The following KCNT1 variants were observed in gnomAD, a reference collection of about 807,000 sequenced individuals.
KCNT1 encodes potassium channel subfamily T member 1.
KCNT1 carries 78 observed loss-of-function variants against 147.8 expected under a neutral mutation model. That is an observed-to-expected ratio of 0.53 (90% CI 0.44 to 0.64). The LOEUF (loss-of-function observed/expected upper bound fraction) is 0.64. Ranked by LOEUF, KCNT1 falls within the 30% of genes least tolerant of loss-of-function variation. KCNT1 has a pLI of 0.00. For synonymous variants in KCNT1, 867 were observed against 748.8 expected (o/e 1.16, Z -2.58); for missense variants, 1,419 against 1,750.3 (o/e 0.81, Z 3.38).
At chr9:135,766,262 A>G (rs1291672971) in intron 13 of KCNT1, among the ~76,000 whole-genome samples, 1 of 116,102 alleles carries the variant, frequency 8.6e-6, no homozygotes, top group Non-Finnish European at 1.9e-5. Context: ...AGTGTAGATC[A>G]TGTGGGGTGG....
At position 135,765,019 on chromosome 9, in the gene KCNT1, T is replaced by C; in HGVS notation, c.1036-12T>C. 2 of 1,600,764 alleles carry C rather than the reference T, an allele frequency of 1.2e-6. No individual in the cohort carries two copies. Among genetic ancestry groups the C allele is most frequent in the Non-Finnish European group, 1.7e-6 (2 of 1,169,756 alleles). On this transcript the variant is annotated splice_polypyrimidine_tract_variant and intron_variant, in intron 11 of 30. Transcript: ENST00000371757. ...GCCTGGTCGCTGGTGCTCACCTGTT[T>C]CTCACCTGCAGTTCGAGGAGCTCGT...
At position 135,780,481 on chromosome 9, in the gene KCNT1, C is replaced by T. The variant is rs368889451; in HGVS notation, c.2841+1011C>T. ...CCCGATGGAGAGTGAAAGTGTGTTC[C>T]GGCCAGCCGTGGACCAAGAGCCCAT... On this transcript the variant is annotated intron_variant, in intron 24 of 30. Coordinates refer to ENST00000371757, the MANE Select transcript of KCNT1 (RefSeq NM_020822.3). Among the ~76,000 whole-genome samples, 6 of 152,332 alleles carry T rather than the reference C, an allele frequency of 3.9e-5. No individual in the cohort carries two copies. The East Asian group carries it at 5.8e-4, about 15-fold the overall frequency.
rs748873120 is a variant in KCNT1, at chr9:135,750,954, G to A, written c.347G>A (p.Arg116Gln). 6 of 1,612,958 alleles carry A rather than the reference G, an allele frequency of 3.7e-6. No homozygotes were observed. Among genetic ancestry groups the A allele is most frequent in the African/African-American group, 1.3e-5 (1 of 74,896 alleles). Residue 116 changes from arginine (R) to glutamine (Q), a missense_variant, in exon 4 of 31, where the codon CGG becomes CAG. This residue lies in a region of KCNT1 where 401 missense variants were observed against 610.6 expected (regional missense o/e 0.66). Transcript: ENST00000371757. ...GCCCTCCCCGCAGGCCTGAGGATCC[G>A]GCTGTTCAACTTCTCCCTGAAGCTG... is the stretch of plus-strand genomic sequence containing the variant. ...IKNQRSSLRIRLFNFSLKLLT... is the reference protein window; with the variant it reads ...IKNQRSSLRIQLFNFSLKLLT...
chr9:135,757,412 T>G (rs1331660483), intron 9 of KCNT1, 31 bp downstream of exon 9: 2 of 1,586,172 alleles, frequency 1.3e-6, no homozygotes, highest in Admixed American at 3.3e-5. Context: ...CAGCTGGGAC[T>G]TGGGGGGGCC....
intron 28 of KCNT1, chr9:135,785,609 C>T (rs1012926024): frequency 3.4e-6 from 2 of 595,244 alleles, no homozygotes; most frequent in Non-Finnish European, 6.0e-6. Flanking sequence ...CCAGGCCCCA[C>T]CAAGGCAGGC....
At chr9:135,735,268 T>C (rs576858470) in intron 2 of KCNT1, among the ~76,000 whole-genome samples, 1 of 152,270 alleles carries the variant, frequency 6.6e-6, no homozygotes, top group South Asian at 2.1e-4. Flanking sequence ...CTAGGGCAGG[T>C]ATCGGGAGCG....
chr9:135,788,197 A>C, intron 29 of KCNT1: 2 of 1,578,626 alleles, frequency 1.3e-6, no homozygotes, highest in Non-Finnish European at 8.7e-7. Context: ...ACCACCGCAC[A>C]ACGGGGCTCG....
intron 12 of KCNT1, 85 bp from the exon 13 acceptor site, chr9:135,765,539 G>A (rs1404601453): frequency 2.0e-5 from 29 of 1,426,538 alleles, no homozygotes; most frequent in Non-Finnish European, 2.6e-5. Flanking sequence ...CAGAGGTGGT[G>A]GGCACAAACA....
intron 3 of KCNT1, 99 bp from the exon 4 acceptor site, chr9:135,750,843 C>A (rs1436395538): frequency 8.4e-6 from 9 of 1,071,992 alleles, no homozygotes; most frequent in Non-Finnish European, 1.3e-5. Flanking sequence ...GGGAGCCCAG[C>A]TGGGGCCATC....
chr9:135,785,315 C>T lies in KCNT1; in HGVS notation c.3162C>T (p.His1054=), dbSNP rs146272510. 93 of 1,613,006 alleles carry T rather than the reference C, an allele frequency of 5.8e-5. No homozygotes were observed. The Middle Eastern group carries it at 2.6e-3, about 46-fold the overall frequency. The change falls in exon 28 of 31, where the codon CAC becomes CAT. Residue 1054 remains histidine (H), a synonymous_variant. Coordinates refer to ENST00000371757, the MANE Select transcript of KCNT1 (RefSeq NM_020822.3). ...ESHVFSTSEP[H]DLRAQSQISV... is the part of the protein sequence containing the mutation. ...TGCGCCTGTTTCCTTTGCAGCCCCA[C>T]GACCTCAGAGCCCAGGTAAGCAACC...
At chr9:135,773,940 G>A (rs1188494726) in intron 19 of KCNT1, among the ~76,000 whole-genome samples, 2 of 152,164 alleles carry the variant, frequency 1.3e-5, no homozygotes, top group African/African-American at 4.8e-5. Context: ...AGCCCTGTGG[G>A]TTTTGCATGT....
chr9:135,758,139 G>GCA (rs61372356), intron 9 of KCNT1, among the ~76,000 whole-genome samples: 1 of 126,458 alleles, frequency 7.9e-6, no homozygotes, highest in Admixed American at 8.2e-5. Context: ...GTGTGGCCGT[G>GCA]GGCTGCCCCG....
At chr9:135,712,599 G>A (rs1292127286) in intron 1 of KCNT1, among the ~76,000 whole-genome samples, 1 of 152,034 alleles carries the variant, frequency 6.6e-6, no homozygotes, top group African/African-American at 2.4e-5. Context: ...CTTCCTGCTT[G>A]CGAAAAGTCT....
intron 2 of KCNT1, among the ~76,000 whole-genome samples, chr9:135,728,924 T>C (rs1836324154): frequency 6.6e-6 from 1 of 152,170 alleles, no homozygotes; most frequent in African/African-American, 2.4e-5. Flanking sequence ...GACATGGTGT[T>C]CGGGATTGAA....
chr9:135,773,993 C>G (rs1311638092), intron 19 of KCNT1, among the ~76,000 whole-genome samples: 1 of 149,014 alleles, frequency 6.7e-6, no homozygotes, highest in South Asian at 2.1e-4. Flanking sequence ...GGAGAAAGAC[C>G]GAGTAGGGCA....
chr9:135,774,889 C>A (rs943119878), intron 19 of KCNT1, among the ~76,000 whole-genome samples: 3 of 152,120 alleles, frequency 2.0e-5, no homozygotes, highest in African/African-American at 7.2e-5. Flanking sequence ...AGTGAGGGCC[C>A]TACCCACCCC....
rs56122365 is a variant in KCNT1, at chr9:135,794,319, C to T, written c.*2158C>T. The T allele has an allele frequency of 0.14, 20,707 of 152,360 alleles. 1,608 individuals carry two copies. Among genetic ancestry groups the T allele is most frequent in the South Asian group, 0.2 (959 of 4,830 alleles). The allele number at this position is 152,360 out of a possible 1,614,324, so 9.4% of individuals were successfully genotyped here. ...CTTTGAGCCTCTCTCCAGGGGTGAG[C>T]GGAGCCCCCCAAAGAGGGCTGAAGG... On this transcript the variant is annotated 3_prime_UTR_variant, in exon 31 of 31. Transcript: ENST00000371757.
At chr9:135,774,485 T>C (rs1484985977) in intron 19 of KCNT1, among the ~76,000 whole-genome samples, 2 of 150,370 alleles carry the variant, frequency 1.3e-5, no homozygotes, top group African/African-American at 4.9e-5. Context: ...GTACGTGTTG[T>C]GTCTGTGTGG....
rs149927148 is a variant in KCNT1, at chr9:135,791,831, C to G, written c.3537C>G (p.Tyr1179Ter). ...EMNDHQNTLS[Y>*]VLINPPPDTR... is the part of the protein sequence containing the mutation. ...ACGACCACCAGAACACCCTCTCCTA[C>G]GTCCTCATCAACCCTCCGCCCGACA... The change falls in exon 30 of 31, where the codon TAC (tyrosine) becomes TAG (stop). Residue 1179 changes from tyrosine to a stop codon, truncating the protein, a stop_gained. Transcript: ENST00000371757. LOFTEE classifies it high-confidence loss of function. 1 of 1,613,814 alleles carries G rather than the reference C, an allele frequency of 6.2e-7. No homozygotes were observed. The highest frequency in any genetic ancestry group is 8.5e-7 in the Non-Finnish European group (1 of 1,179,950).
Sources: allele counts gnomAD v4.1 joint callset (sites outside exome capture counted in the v4.1 genomes callset), GRCh38; gene constraint gnomAD v4.1.1; regional missense constraint gnomAD v4.1.1; transcripts MANE v1.5; gene names NCBI Gene and HGNC (gene_info 2026-07-23, HGNC 2026-07-21).